The following BUB1B variants were observed in gnomAD, a reference collection of about 807,000 sequenced individuals.
BUB1B encodes BUB1 mitotic checkpoint serine/threonine kinase B, also known as mitotic checkpoint serine/threonine-protein kinase BUB1 beta.
Under a neutral mutation model 137.7 loss-of-function variants are expected in BUB1B, and 86 were observed. The observed-to-expected ratio is 0.62, with a 90% confidence interval of 0.52 to 0.75. BUB1B has a LOEUF of 0.75. Ranked by LOEUF, BUB1B falls within the 30% of genes least tolerant of loss-of-function variation. BUB1B has a pLI of 0.00. For missense variants in BUB1B, 1,130 were observed against 1,236.9 expected, an observed-to-expected ratio of 0.91 and a Z score of 1.30; for synonymous variants, 420 against 417.9, an observed-to-expected ratio of 1.00 and a Z score of -0.06.
At chr15:40,198,870 A>G (rs1216130237) in intron 9 of BUB1B, among the ~76,000 whole-genome samples, 3 of 152,128 alleles carry the variant, frequency 2.0e-5, no homozygotes, top group African/African-American at 7.2e-5. Flanking sequence ...AGGCAGAAGG[A>G]TTGAGCCCAC....
At chr15:40,216,576 T>A (rs1398645379) in intron 20 of BUB1B, among the ~76,000 whole-genome samples, 134 of 114,284 alleles carry the variant, frequency 1.2e-3, no homozygotes, top group African/African-American at 3.3e-3. Flanking sequence ...TATATATTTT[T>A]TTTTTTTTTT....
intron 14 of BUB1B, among the ~76,000 whole-genome samples, 200 bp downstream of exon 14, chr15:40,202,894 A>C (rs181826605): frequency 1.1e-3 from 162 of 152,372 alleles, no homozygotes; most frequent in Admixed American, 9.1e-3. Flanking sequence ...AGCTATAATA[A>C]AAAATTACGC....
At chr15:40,173,534 T>A (rs549024549) in intron 4 of BUB1B, among the ~76,000 whole-genome samples, 1 of 152,320 alleles carries the variant, frequency 6.6e-6, no homozygotes, top group South Asian at 2.1e-4. Context: ...TTGAGATAAG[T>A]TCAAAAATTG....
rs145869155 is a variant in BUB1B, at chr15:40,188,414, T to A, written c.1058+2772T>A. Among the ~76,000 whole-genome samples the A allele has an allele frequency of 1.5e-3, 227 of 152,200 alleles. 3 individuals carry two copies. The East Asian group carries it at 0.025, about 17-fold the overall frequency. ...ACCTCTCCACACATTTTTCTTTAGG[T>A]TGCGTTTTGCTTAGTGATGTATAGA... is the stretch of plus-strand genomic sequence containing the variant. On this transcript the variant is annotated intron_variant, in intron 8 of 22. Transcript: ENST00000287598.
rs116792436 is a variant in BUB1B at position 40,168,426 on chromosome 15, T to C, written c.180-1636T>C. On this transcript the variant is annotated intron_variant, in intron 2 of 22. Transcript: ENST00000287598. ...AGAGCCTACTGGGATTTTGATTACATTGGTTTGAATCTATAGATCAATTGG... is the reference window on the plus strand; with the variant it reads ...AGAGCCTACTGGGATTTTGATTACACTGGTTTGAATCTATAGATCAATTGG... Among the ~76,000 whole-genome samples, 966 of 152,212 alleles carry C rather than the reference T, an allele frequency of 6.3e-3. 12 individuals carry two copies. Among genetic ancestry groups the C allele is most frequent in the African/African-American group, 0.022 (901 of 41,542 alleles).
chr15:40,199,053 C>T (rs61523420), intron 9 of BUB1B, among the ~76,000 whole-genome samples: 5,156 of 152,280 alleles, frequency 0.034, 294 homozygotes, highest in African/African-American at 0.12. Flanking sequence ...GTGGTCTTTT[C>T]CTGCATTGGG....
At chr15:40,202,563 G>C (rs780531421) in intron 13 of BUB1B, 26 bp from the exon 14 acceptor site, 2 of 1,607,182 alleles carry the variant, frequency 1.2e-6, no homozygotes, top group Non-Finnish European at 1.7e-6. Context: ...GAAAAAAATT[G>C]CTAAGTGAGG....
chr15:40,205,725 C>T (rs1022975726), intron 14 of BUB1B, among the ~76,000 whole-genome samples: 2 of 152,166 alleles, frequency 1.3e-5, no homozygotes, highest in Non-Finnish European at 2.9e-5. Flanking sequence ...ATGAATGCTA[C>T]AGTTTCACTG....
chr15:40,219,217 C>T (rs1426840878), intron 22 of BUB1B, among the ~76,000 whole-genome samples: 2 of 152,038 alleles, frequency 1.3e-5, no homozygotes, highest in Non-Finnish European at 2.9e-5. Context: ...GCCTAAATTC[C>T]TTTTTAATAG....
Position 40,196,732 on chromosome 15 carries a change from C to T in BUB1B, c.1246C>T (p.Arg416Trp), listed in dbSNP as rs755579898. Reference protein sequence around the residue: ...GVGEFSFEEIRAEVFRKKLKE... With the variant: ...GVGEFSFEEIWAEVFRKKLKE... ...AGGGGAATTCTCCTTTGAAGAAATT[C>T]GGGCTGAAGTTTTCCGGAAGAAATT... The change falls in exon 9 of 23, where the codon CGG (arginine) becomes TGG (tryptophan). Residue 416 changes from arginine to tryptophan, a missense_variant. By Grantham distance (101) the Arg-to-Trp change is moderately radical. Transcript: ENST00000287598. The T allele has an allele frequency of 1.8e-5, 29 of 1,613,820 alleles. No individual in the cohort carries two copies. The highest frequency in any genetic ancestry group is 2.4e-5 in the Non-Finnish European group (28 of 1,179,924).
intron 12 of BUB1B, 46 bp downstream of exon 12, chr15:40,201,026 T>C (rs952373294): frequency 1.0e-5 from 16 of 1,530,386 alleles, no homozygotes; most frequent in Admixed American, 1.7e-5. Flanking sequence ...TGATAACAAA[T>C]GTATTATGTA....
At position 40,200,291 on chromosome 15, in the gene BUB1B, T is replaced by G. The variant is rs755711414; in HGVS notation, c.1449T>G (p.Ala483=). The change falls in exon 11 of 23, where the codon GCT becomes GCG. Residue 483 remains alanine, a synonymous_variant. Transcript: ENST00000287598. The stretch of plus-strand genomic sequence containing the variant: ...AGGAGACAACTAAACTGCAAATTGC[T>G]TCCGAGTCTCAGAAAATACCAGGAA... ...PTKETTKLQI[A]SESQKIPGMT... The G allele has an allele frequency of 1.2e-6, 2 of 1,613,856 alleles. No individual in the cohort carries two copies. Among genetic ancestry groups the G allele is most frequent in the African/African-American group, 2.7e-5 (2 of 74,918 alleles).
rs774658274 is a variant in BUB1B, at chr15:40,208,641, A to G, written c.2014A>G (p.Ile672Val). The G allele has an allele frequency of 1.2e-6, 2 of 1,613,432 alleles. No individual in the cohort carries two copies. Among genetic ancestry groups the G allele is most frequent in the Non-Finnish European group, 1.7e-6 (2 of 1,179,406 alleles). ...QTLSIKKLSPIIEDSREATHS... is the reference protein window; with the variant it reads ...QTLSIKKLSPVIEDSREATHS... ...ACTTATTTTTGATTCTTTTAGCCCA[A>G]TTATTGAAGACAGTCGTGAAGCCAC... The change falls in exon 16 of 23, where the codon ATT becomes GTT. Residue 672 changes from isoleucine (I) to valine (V), a missense_variant. Coordinates refer to ENST00000287598, the MANE Select transcript of BUB1B (RefSeq NM_001211.6).
intron 2 of BUB1B, among the ~76,000 whole-genome samples, chr15:40,169,140 T>C (rs1248826265): frequency 1.3e-5 from 2 of 152,212 alleles, no homozygotes; most frequent in African/African-American, 4.8e-5. Context: ...TCCCCTCTAT[T>C]CTAACTGGTC....
At chr15:40,170,442 C>CT (rs1358994569) in intron 3 of BUB1B, 95 bp from the exon 4 acceptor site, 3 of 1,439,718 alleles carry the variant, frequency 2.1e-6, no homozygotes, top group Non-Finnish European at 2.9e-6. Flanking sequence ...AAGAAACATA[C>CT]TTTACTTCTG....
At chr15:40,185,721 G>A in intron 8 of BUB1B, 79 bp downstream of exon 8, 1 of 1,365,246 alleles carries the variant, frequency 7.3e-7, no homozygotes, top group Non-Finnish European at 1.0e-6. Context: ...CCCAAAGGCA[G>A]TTTCTTCTTT....
In BUB1B at chr15:40,220,634, T is replaced by C. The variant is rs374968269; in HGVS notation, c.3028T>C (p.Ser1010Pro). The C allele has an allele frequency of 9.9e-6, 16 of 1,614,114 alleles. No individual in the cohort carries two copies. The African/African-American group carries it at 1.5e-4, about 15-fold the overall frequency. Residue 1010 changes from serine to proline, a missense_variant, in exon 23 of 23, where the codon TCT (serine) becomes CCT (proline). Coordinates refer to ENST00000287598, the MANE Select transcript of BUB1B (RefSeq NM_001211.6). ...ILNANDEATV[S>P]VLGELAAEMN... ...GAATGCCAATGATGAGGCCACAGTG[T>C]CTGTTCTTGGGGAGCTTGCAGCAGA...
chr15:40,203,838 CT>C (rs2037605175), intron 14 of BUB1B, among the ~76,000 whole-genome samples: 1 of 152,174 alleles, frequency 6.6e-6, no homozygotes, highest in Non-Finnish European at 1.5e-5. Flanking sequence ...AAATCATTCT[CT>C]TCAAACCAGC....
intron 18 of BUB1B, among the ~76,000 whole-genome samples, chr15:40,210,999 T>A (rs2037703896): frequency 6.6e-6 from 1 of 152,212 alleles, no homozygotes; most frequent in East Asian, 1.9e-4. Flanking sequence ...CTGAGAAATT[T>A]TCTTCAATGG....
Sources: allele counts gnomAD v4.1 joint callset (sites outside exome capture counted in the v4.1 genomes callset), GRCh38; gene constraint gnomAD v4.1.1; transcripts MANE v1.5; gene names NCBI Gene and HGNC (gene_info 2026-07-23, HGNC 2026-07-21).